The following SLC39A10 variants were observed in gnomAD, a reference collection of about 807,000 sequenced individuals.
The protein encoded by SLC39A10 is zinc transporter ZIP10.
A neutral mutation model predicts 65.1 loss-of-function variants in SLC39A10; 13 were observed. The observed-to-expected ratio is 0.20, with a 90% CI of 0.13 to 0.32. The LOEUF (loss-of-function observed/expected upper bound fraction) is 0.32, where lower values mean the gene tolerates loss of function less well. Ranked by LOEUF, SLC39A10 falls within the 10% of genes least tolerant of loss-of-function variation. The pLI, the probability that SLC39A10 is intolerant of heterozygous loss-of-function variation, is 1.00. For synonymous variants in SLC39A10, 321 were observed against 342.2 expected (o/e 0.94, Z 0.68); for missense variants, 831 against 1,018.4 (o/e 0.82, Z 2.50).
At position 195,641,685 on chromosome 2, in the gene SLC39A10, C is replaced by CTT. The variant is rs757617526; in HGVS notation, c.-12+35469_-12+35470dup. Among the ~76,000 whole-genome samples the CTT allele has an allele frequency of 7.4e-3, 944 of 128,088 alleles. 14 individuals are homozygous for CTT. The highest frequency in any genetic ancestry group is 0.026 in the East Asian group (111 of 4,294). The allele number at this position is 128,088 out of a possible 152,430, so 84.0% of individuals were successfully genotyped here. On this transcript the variant is annotated intron_variant, in intron 2 of 2. Transcript: ENST00000458054. ...GTCTACCACATTAGATAGTATAGTT[C>CTT]TTTTTTTTTTTTTTTTTTGAGTTGG...
chr2:195,620,622 C>G (rs1688329904), intron 2 of SLC39A10, among the ~76,000 whole-genome samples: 1 of 152,052 alleles, frequency 6.6e-6, no homozygotes, highest in Non-Finnish European at 1.5e-5. Context: ...ATTGAAGTTC[C>G]TGATCCCCAG....
rs913332065 is a variant in SLC39A10 at position 195,736,076 on chromosome 2, A to AATG, written c.*1036_*1038dup. On this transcript the variant is annotated 3_prime_UTR_variant, in exon 10 of 10. Coordinates refer to ENST00000359634, the MANE Select transcript of SLC39A10 (RefSeq NM_020342.3). ...GAAAATCGAAGTTTACCATGTCTGT[A>AATG]ATGTGTACATGAAGTGTCAATTTAG... The AATG allele has an allele frequency of 1.3e-5, 2 of 152,564 alleles. No individual in the cohort carries two copies. The highest frequency in any genetic ancestry group is 2.9e-5 in the Non-Finnish European group (2 of 68,028). The allele number at this position is 152,564 out of a possible 1,614,324, so 9.5% of individuals were successfully genotyped here.
At chr2:195,697,812 A>G (rs1167312638) in intron 3 of SLC39A10, among the ~76,000 whole-genome samples, 2 of 152,206 alleles carry the variant, frequency 1.3e-5, no homozygotes, top group South Asian at 2.1e-4. Context: ...CAACAAGCAT[A>G]TGAAGAAAAG....
chr2:195,710,467 G>A (rs1273244562), intron 5 of SLC39A10, among the ~76,000 whole-genome samples: 1 of 152,004 alleles, frequency 6.6e-6, no homozygotes, highest in Non-Finnish European at 1.5e-5. Context: ...TTTCTGTTTT[G>A]TTTGCATATG....
intron 9 of SLC39A10, among the ~76,000 whole-genome samples, chr2:195,732,344 C>T (rs917405007): frequency 2.0e-5 from 3 of 152,120 alleles, no homozygotes; most frequent in Non-Finnish European, 4.4e-5. Flanking sequence ...TATAGGATAA[C>T]CAGGTGGAAG....
chr2:195,668,858 A>G (rs1689740753), intron 1 of SLC39A10, among the ~76,000 whole-genome samples: 1 of 152,066 alleles, frequency 6.6e-6, no homozygotes, highest in Non-Finnish European at 1.5e-5. Flanking sequence ...TGAGGCGGGT[A>G]GATTACCTGA....
At chr2:195,656,829 A>G, upstream of SLC39A10, 1 of 152,368 alleles carries the variant, frequency 6.6e-6, no homozygotes, top group Non-Finnish European at 1.5e-5. Context: ...AGGCCTCAGC[A>G]ACCGACGTTC....
At chr2:195,668,614 G>T (rs1689727303) in intron 1 of SLC39A10, among the ~76,000 whole-genome samples, 1 of 152,212 alleles carries the variant, frequency 6.6e-6, no homozygotes, top group African/African-American at 2.4e-5. Context: ...TTGCGATACA[G>T]ATAATAACTT....
intron 7 of SLC39A10, 181 bp downstream of exon 7, chr2:195,717,186 G>T: frequency 3.1e-6 from 2 of 649,508 alleles, no homozygotes; most frequent in Non-Finnish European, 4.8e-6. Flanking sequence ...AATTTAGTGG[G>T]GTTTTTTAGA....
In SLC39A10 at chr2:195,736,752, A is replaced by G. The variant is rs1462773656; in HGVS notation, c.*1711A>G. ...CCTCCTTATAATAAGTAGAAGTTTT[A>G]TATATAATTAATTTTCAGCATTGGG... On this transcript the variant is annotated 3_prime_UTR_variant, in exon 10 of 10. Coordinates refer to ENST00000359634, the MANE Select transcript of SLC39A10 (RefSeq NM_020342.3). 1.3e-5 allele frequency: 2 copies of G among 152,518 alleles called. No homozygotes were observed. Among genetic ancestry groups the G allele is most frequent in the Admixed American group, 1.3e-4 (2 of 15,272 alleles). 9.4% of individuals were successfully genotyped at this position (152,518 alleles called of 1,614,324 possible).
rs558175562 is a variant in SLC39A10, at chr2:195,676,376, T to C, written c.-11-3656T>C. On this transcript the variant is annotated intron_variant, in intron 1 of 9. Coordinates refer to ENST00000359634, the MANE Select transcript of SLC39A10 (RefSeq NM_020342.3). ...GGCCTATAAGCTTTTTTTTTTTTTA[T>C]AGTGTCCTTTATTATAGAGTATTTT... Among the ~76,000 whole-genome samples, 35 of 151,184 alleles carry C rather than the reference T, an allele frequency of 2.3e-4. No individual in the cohort carries two copies. The South Asian group carries it at 5.8e-3, about 25-fold the overall frequency.
rs1028500359 is a variant in SLC39A10 at position 195,709,194 on chromosome 2, TGTA to T, written c.1575+351_1575+353del. On this transcript the variant is annotated intron_variant, in intron 5 of 9. Transcript: ENST00000359634. ...CACATGCCACCATGCCCAGCTAACT[TGTA>T]TGTATGTATGTATGTATGTATGTAT... is the stretch of plus-strand genomic sequence containing the variant. 3.8e-4 allele frequency among the ~76,000 whole-genome samples: 13 copies of T among 34,164 alleles called. No homozygotes were observed. The South Asian group carries it at 6.2e-3, about 16-fold the overall frequency. The allele number at this position is 34,164 out of a possible 152,430, so 22.4% of individuals were successfully genotyped here. A position where few individuals can be genotyped will look rare whatever the true frequency, so the allele number is the denominator to read the frequency against.
Position 195,728,035 on chromosome 2 carries a change from TCAC to T in SLC39A10, c.2147-123_2147-121del. ...TTTAATAAGTAAAATATTTTATATA[TCAC>T]ATAAAATACTGTTATTAAAAGTGTG... is the stretch of plus-strand genomic sequence containing the variant. On this transcript the variant is annotated intron_variant, in intron 8 of 9. Coordinates refer to ENST00000359634, the MANE Select transcript of SLC39A10 (RefSeq NM_020342.3). This position sits in a 1 kb window ranked among gnomAD's most constrained non-coding sequence, Gnocchi z 4.4. 1 of 827,244 alleles carries T rather than the reference TCAC, an allele frequency of 1.2e-6. No homozygotes were observed. The highest frequency in any genetic ancestry group is 1.8e-6 in the Non-Finnish European group (1 of 547,826). 51.2% of individuals were successfully genotyped at this position (827,244 alleles called of 1,614,324 possible).
At chr2:195,697,359 G>T (rs967480310) in intron 3 of SLC39A10, among the ~76,000 whole-genome samples, 2 of 152,036 alleles carry the variant, frequency 1.3e-5, no homozygotes, top group Non-Finnish European at 2.9e-5. Flanking sequence ...TCCAATCCGT[G>T]AACATGGGGT....
At chr2:195,616,884 G>T (rs1219926091) in intron 2 of SLC39A10, among the ~76,000 whole-genome samples, 2 of 151,574 alleles carry the variant, frequency 1.3e-5, no homozygotes, top group Non-Finnish European at 3.0e-5. Context: ...ATTACAGGCG[G>T]GAGCCACCGC....
At chr2:195,704,088 G>C (rs867124286) in intron 3 of SLC39A10, among the ~76,000 whole-genome samples, 1 of 152,044 alleles carries the variant, frequency 6.6e-6, no homozygotes, top group African/African-American at 2.4e-5. Context: ...TTGTGTATTT[G>C]GGGTCTTGTC....
At chr2:195,684,635 T>C (rs1690455254) in intron 3 of SLC39A10, among the ~76,000 whole-genome samples, 1 of 152,108 alleles carries the variant, frequency 6.6e-6, no homozygotes, top group Admixed American at 6.5e-5. Flanking sequence ...CTTTTCCTTT[T>C]TTTCCCATTC....
At chr2:195,645,238 A>AT (rs1441228183) in intron 2 of SLC39A10, among the ~76,000 whole-genome samples, 7 of 152,188 alleles carry the variant, frequency 4.6e-5, no homozygotes, top group African/African-American at 1.4e-4. Flanking sequence ...AAAAAAAAAA[A>AT]TGAGTGCTGG....
Position 195,680,562 on chromosome 2 carries a change from C to A in SLC39A10, c.520C>A (p.His174Asn), listed in dbSNP as rs1362870263. 6.2e-7 allele frequency: 1 copy of A among 1,613,978 alleles called. No homozygotes were observed. Among genetic ancestry groups the A allele is most frequent in the Admixed American group, 1.7e-5 (1 of 59,998 alleles). ...ATCTGATGATAAACATATGCATGAC[C>A]ATAATCACCGCCTACGTCATCACCA... ...VKSDDKHMHD[H>N]NHRLRHHHRL... Residue 174 changes from histidine (H) to asparagine (N), a missense_variant, in exon 2 of 10, where the codon CAT (histidine) becomes AAT (asparagine). Physicochemically the swap from His to Asn is moderately conservative, Grantham distance 68. Coordinates refer to ENST00000359634, the MANE Select transcript of SLC39A10 (RefSeq NM_020342.3).
Sources: allele counts gnomAD v4.1 joint callset (sites outside exome capture counted in the v4.1 genomes callset), GRCh38; gene constraint gnomAD v4.1.1; non-coding constraint Gnocchi (gnomAD v3.1); transcripts MANE v1.5; gene names NCBI Gene and HGNC (gene_info 2026-07-23, HGNC 2026-07-21).